Variants in LRP1B observed in about 807,000 individuals in gnomAD.
LRP1B encodes the protein low-density lipoprotein receptor-related protein 1B.
Under a neutral mutation model 556.6 loss-of-function variants are expected in LRP1B, and 217 were observed. The ratio of observed to expected loss-of-function variants is 0.39; its 90% confidence interval spans 0.35 to 0.44. The LOEUF (loss-of-function observed/expected upper bound fraction) is 0.44. LRP1B is among the 20% of genes least tolerant of loss of function. The pLI is 1.00. For missense variants in LRP1B, 5,053 were observed against 5,620.8 expected, an observed-to-expected ratio of 0.90 and a Z score of 3.23; for synonymous variants, 2,047 against 1,865.8, an observed-to-expected ratio of 1.10 and a Z score of -2.50.
At chr2:140,856,336 T>C (rs558310295) in intron 27 of LRP1B, among the ~76,000 whole-genome samples, 1 of 152,358 alleles carries the variant, frequency 6.6e-6, no homozygotes, top group Admixed American at 6.5e-5. Context: ...CAGCTAATGC[T>C]GATTTCTTTC....
At chr2:141,827,511 AC>A (rs1442405396) in intron 1 of LRP1B, among the ~76,000 whole-genome samples, 4 of 152,154 alleles carry the variant, frequency 2.6e-5, no homozygotes, top group African/African-American at 9.7e-5. Context: ...TTCTCCTGTG[AC>A]TAATGTCAAG....
intron 86 of LRP1B, among the ~76,000 whole-genome samples, chr2:140,252,068 A>AAAAAAAAAAAAAAAAAAAAAAAAAAC (rs1164292843): frequency 8.5e-6 from 1 of 117,408 alleles, no homozygotes; most frequent in Non-Finnish European, 1.8e-5. Flanking sequence ...GATGCAAAAA[A>AAAAAAAAAAAAAAAAAAAAAAAAAAC]AAAAAAAAAA....
intron 32 of LRP1B, among the ~76,000 whole-genome samples, chr2:140,794,161 G>A (rs531787492): frequency 6.6e-6 from 1 of 151,916 alleles, no homozygotes; most frequent in African/African-American, 2.4e-5. Context: ...TCATCTTAAC[G>A]ATTTAAAAAT....
At chr2:140,349,817 A>AT (rs1437910253) in intron 77 of LRP1B, among the ~76,000 whole-genome samples, 1 of 152,122 alleles carries the variant, frequency 6.6e-6, no homozygotes, top group Non-Finnish European at 1.5e-5. Context: ...GTATACATGG[A>AT]TTTTTACTCA....
At chr2:140,859,761 G>A (rs1692732630) in intron 27 of LRP1B, among the ~76,000 whole-genome samples, 1 of 151,998 alleles carries the variant, frequency 6.6e-6, no homozygotes, top group Admixed American at 6.6e-5. Flanking sequence ...TTGGGAGGCC[G>A]AGGTGGGCGG....
intron 1 of LRP1B, among the ~76,000 whole-genome samples, chr2:141,851,445 T>C (rs773048844): frequency 2.0e-5 from 3 of 151,862 alleles, no homozygotes; most frequent in Non-Finnish European, 4.4e-5. Context: ...TCAGGAATAT[T>C]TTTATTAGGC....
intron 2 of LRP1B, among the ~76,000 whole-genome samples, chr2:141,800,191 A>C (rs1695965275): frequency 6.6e-6 from 1 of 152,174 alleles, no homozygotes; most frequent in South Asian, 2.1e-4. Flanking sequence ...ATGAGGTTGT[A>C]TGGCATCATG....
At chr2:142,115,576 A>ATG (rs1707189975) in intron 1 of LRP1B, among the ~76,000 whole-genome samples, 2 of 52,806 alleles carry the variant, frequency 3.8e-5, no homozygotes, top group African/African-American at 7.0e-5. Context: ...TATATATTAT[A>ATG]TATGTAATAT....
chr2:141,044,206 T>C (rs1252246028), intron 11 of LRP1B, among the ~76,000 whole-genome samples: 2 of 151,558 alleles, frequency 1.3e-5, no homozygotes, highest in Non-Finnish European at 3.0e-5. Flanking sequence ...CTGGGAAAAC[T>C]GGCTAGCCGT....
At chr2:141,452,806 A>AG in intron 3 of LRP1B, among the ~76,000 whole-genome samples, 1 of 152,262 alleles carries the variant, frequency 6.6e-6, no homozygotes, top group Non-Finnish European at 1.5e-5. Flanking sequence ...CCTTTCTTAG[A>AG]GGGTAACCTA....
At chr2:141,355,209 T>C (rs952784515) in intron 3 of LRP1B, among the ~76,000 whole-genome samples, 1 of 152,144 alleles carries the variant, frequency 6.6e-6, no homozygotes, top group Non-Finnish European at 1.5e-5. Context: ...TAATTTGTCA[T>C]CTATATGAAC....
At chr2:142,032,838 T>C (rs1020734679) in intron 1 of LRP1B, among the ~76,000 whole-genome samples, 7 of 151,748 alleles carry the variant, frequency 4.6e-5, no homozygotes, top group African/African-American at 1.7e-4. Context: ...ACCAAAGATA[T>C]CATTCTATCC....
At chr2:140,549,787 G>T (rs1295420150) in intron 43 of LRP1B, among the ~76,000 whole-genome samples, 1 of 151,914 alleles carries the variant, frequency 6.6e-6, no homozygotes, top group African/African-American at 2.4e-5. Flanking sequence ...ATGGGGAGAT[G>T]GTGGCGGCCT....
chr2:141,185,267 G>A (rs1681189572), intron 7 of LRP1B, among the ~76,000 whole-genome samples: 1 of 152,024 alleles, frequency 6.6e-6, no homozygotes, highest in South Asian at 2.1e-4. Context: ...GGTGGAGCCA[G>A]GATTTGATCT....
At chr2:141,163,291 T>A (rs557018289) in intron 7 of LRP1B, among the ~76,000 whole-genome samples, 49 of 152,036 alleles carry the variant, frequency 3.2e-4, no homozygotes, top group Non-Finnish European at 5.7e-4. Context: ...ATTTATAAAC[T>A]TTTTTTCTGT....
At chr2:141,214,136 T>C (rs982577734) in intron 6 of LRP1B, among the ~76,000 whole-genome samples, 2 of 152,252 alleles carry the variant, frequency 1.3e-5, no homozygotes, top group Non-Finnish European at 2.9e-5. Flanking sequence ...CTGACTGTAT[T>C]CTTTTTACAA....
chr2:142,047,397 T>C (rs1704297908), intron 1 of LRP1B, among the ~76,000 whole-genome samples: 1 of 152,064 alleles, frequency 6.6e-6, no homozygotes, highest in South Asian at 2.1e-4. Flanking sequence ...TGCTAGGTTT[T>C]TCAACAGAAA....
chr2:140,429,675 A>G (rs948050269), intron 66 of LRP1B, among the ~76,000 whole-genome samples: 1 of 152,112 alleles, frequency 6.6e-6, no homozygotes, highest in Non-Finnish European at 1.5e-5. Context: ...CTTCCTAGGC[A>G]TGGTTAGTGC....
chr2:141,384,481 T>C (rs947242693), intron 3 of LRP1B, among the ~76,000 whole-genome samples: 5 of 152,120 alleles, frequency 3.3e-5, no homozygotes, highest in Non-Finnish European at 7.4e-5. Flanking sequence ...ATTTTTTAAA[T>C]AACATAAAAG....
Sources: gnomAD v4.1 joint callset for allele counts (sites outside exome capture counted in the v4.1 genomes callset) on GRCh38, gnomAD v4.1.1 for gene constraint, MANE v1.5 for transcripts, NCBI Gene and HGNC (gene_info 2026-07-23, HGNC 2026-07-21) for gene names.